EML1: variants seen among roughly 807,000 people sequenced by gnomAD.
EML1 encodes the protein echinoderm microtubule-associated protein-like 1.
Under a neutral mutation model 110.4 loss-of-function variants are expected in EML1, and 27 were observed. The ratio of observed to expected loss-of-function variants is 0.24; its 90% CI spans 0.18 to 0.34. The LOEUF is 0.34. Ranked by LOEUF, EML1 falls within the 10% of genes least tolerant of loss-of-function variation. The pLI is 1.00. For missense variants in EML1, 741 were observed against 1,030.9 expected, an observed-to-expected ratio of 0.72 and a Z score of 3.85; for synonymous variants, 344 against 385.8, an observed-to-expected ratio of 0.89 and a Z score of 1.27.
At chr14:99,924,689 G>A (rs1258845976) in intron 17 of EML1, among the ~76,000 whole-genome samples, 1 of 151,948 alleles carries the variant, frequency 6.6e-6, no homozygotes, top group African/African-American at 2.4e-5. Flanking sequence ...GTTTTTCTGA[G>A]GAGAAAAAGC....
chr14:99,868,949 C>CT (rs1187996859), intron 3 of EML1, among the ~76,000 whole-genome samples: 2 of 152,192 alleles, frequency 1.3e-5, no homozygotes, highest in East Asian at 3.9e-4. Context: ...TCACTATAGA[C>CT]TTCCCTCTTA....
chr14:99,936,051 C>T lies in EML1; in HGVS notation c.1932C>T (p.Gly644=), dbSNP rs1222078229. 2 of 1,613,948 alleles carry T rather than the reference C, an allele frequency of 1.2e-6. No individual in the cohort carries two copies. Among genetic ancestry groups the T allele is most frequent in the Admixed American group, 1.7e-5 (1 of 59,994 alleles). Residue 644 remains glycine (G), a synonymous_variant, in exon 18 of 22, where the codon GGC becomes GGT. Coordinates refer to ENST00000262233, the MANE Select transcript of EML1 (RefSeq NM_004434.3). This position sits in a 1 kb window ranked among gnomAD's most constrained non-coding sequence, Gnocchi z 5.5. ...TAGATGGGAATTTCTTAGCCATAGG[C>T]TCACATGACAACTGCATCTATATAT... ...YSPDGNFLAI[G]SHDNCIYIYG...
chr14:99,850,989 T>C lies in EML1; in HGVS notation c.204T>C (p.Ile68=), dbSNP rs748414278. 10 of 1,613,980 alleles carry C rather than the reference T, an allele frequency of 6.2e-6. No homozygotes were observed. The African/African-American group carries it at 1.2e-4, about 19-fold the overall frequency. Residue 68 remains isoleucine (I), a synonymous_variant, in exon 2 of 22, where the codon ATT becomes ATC. Coordinates refer to ENST00000262233, the MANE Select transcript of EML1 (RefSeq NM_004434.3). ...CTGATGTGGTTCGGCGGCTGAACATTACTGAGGAACAGCAGGCCGTGCTTA... is the reference window on the plus strand; with the variant it reads ...CTGATGTGGTTCGGCGGCTGAACATCACTGAGGAACAGCAGGCCGTGCTTA... The part of the protein sequence containing the change: ...ALADVVRRLN[I]TEEQQAVLNR...
At chr14:99,916,000 A>G (rs748816562) in intron 15 of EML1, among the ~76,000 whole-genome samples, 21 of 152,384 alleles carry the variant, frequency 1.4e-4, no homozygotes, top group Non-Finnish European at 2.5e-4. Flanking sequence ...ACTGCCACTC[A>G]GAGAGCAGGT....
chr14:99,759,803 G>A (rs976814395), intron 1 of EML1, among the ~76,000 whole-genome samples: 1 of 152,178 alleles, frequency 6.6e-6, no homozygotes, highest in Non-Finnish European at 1.5e-5. Flanking sequence ...AACGCTCTTT[G>A]CGTTCATGCA....
intron 16 of EML1, among the ~76,000 whole-genome samples, chr14:99,920,119 G>A (rs1449867795): frequency 6.6e-6 from 1 of 152,152 alleles, no homozygotes; most frequent in Non-Finnish European, 1.5e-5. Flanking sequence ...AGGATACAAA[G>A]CACTTCCATG....
intron 6 of EML1, among the ~76,000 whole-genome samples, chr14:99,896,936 A>G (rs2059680383): frequency 6.6e-6 from 1 of 152,222 alleles, no homozygotes; most frequent in African/African-American, 2.4e-5. Flanking sequence ...ATATGTATTC[A>G]CATTACATCA....
At chr14:99,886,311 G>A (rs2059474090) in intron 4 of EML1, among the ~76,000 whole-genome samples, 1 of 152,108 alleles carries the variant, frequency 6.6e-6, no homozygotes, top group African/African-American at 2.4e-5. Flanking sequence ...GCGGAACCCT[G>A]TCTCTACAAA....
At chr14:99,758,600 C>A (rs1045160312) in intron 1 of EML1, among the ~76,000 whole-genome samples, 2 of 152,152 alleles carry the variant, frequency 1.3e-5, no homozygotes, top group African/African-American at 2.4e-5. Context: ...CAGGCCTGCC[C>A]AGAGTCAGTC....
intron 16 of EML1, among the ~76,000 whole-genome samples, chr14:99,918,761 A>G (rs1303264544): frequency 6.6e-6 from 1 of 152,164 alleles, no homozygotes; most frequent in African/African-American, 2.4e-5. Flanking sequence ...GCTGCATCGC[A>G]CTATGATTGC....
chr14:99,839,465 G>A (rs1001802614), intron 1 of EML1, among the ~76,000 whole-genome samples: 2 of 152,190 alleles, frequency 1.3e-5, no homozygotes, highest in African/African-American at 4.8e-5. Context: ...TCATTGTACA[G>A]AATTAAACTG....
At position 99,905,429 on chromosome 14, in the gene EML1, GAA is replaced by G. The variant is rs2059829170; in HGVS notation, c.1009-2206_1009-2205del. On this transcript the variant is annotated intron_variant, in intron 9 of 21. Transcript: ENST00000262233. This position sits in a 1 kb window ranked among gnomAD's most constrained non-coding sequence, Gnocchi z 4.1. ...ATAAGAAAGGGAAAAAGGAGAGAGA[GAA>G]AAGCATTCCCTGTGGCAGGGCGGGG... Among the ~76,000 whole-genome samples the G allele has an allele frequency of 6.6e-6, 1 of 152,166 alleles. No individual in the cohort carries two copies. Among genetic ancestry groups the G allele is most frequent in the Admixed American group, 6.5e-5 (1 of 15,278 alleles).
intron 15 of EML1, chr14:99,915,001 C>A (rs2060009401): frequency 2.6e-6 from 1 of 390,270 alleles, no homozygotes; most frequent in Admixed American, 4.6e-5. Context: ...CTGAAAAATA[C>A]TTGTTATGAG....
At chr14:99,862,021 T>G (rs920851804) in intron 2 of EML1, among the ~76,000 whole-genome samples, 1 of 152,176 alleles carries the variant, frequency 6.6e-6, no homozygotes, top group Non-Finnish European at 1.5e-5. Flanking sequence ...GGTTCCAGGT[T>G]CCCATGCAGG....
intron 17 of EML1, among the ~76,000 whole-genome samples, chr14:99,925,443 G>A (rs546866755): frequency 6.6e-6 from 1 of 151,700 alleles, no homozygotes; most frequent in Admixed American, 6.6e-5. Context: ...TTAGAGACAG[G>A]GTATTCCTAT....
intron 17 of EML1, among the ~76,000 whole-genome samples, chr14:99,935,550 G>A (rs544022458): frequency 1.2e-4 from 18 of 152,128 alleles, no homozygotes; most frequent in African/African-American, 3.9e-4. Flanking sequence ...TTGGGAGGCC[G>A]AGGCGGGCGG....
chr14:99,907,544 CTT>C (rs1219841271), intron 9 of EML1, 92 bp from the exon 10 acceptor site: 13 of 1,106,582 alleles, frequency 1.2e-5, no homozygotes, highest in African/African-American at 1.6e-5. Flanking sequence ...GTAGCAGACT[CTT>C]TATTAAAAAT....
intron 1 of EML1, among the ~76,000 whole-genome samples, chr14:99,738,503 C>T (rs1032976071): frequency 5.9e-5 from 9 of 152,166 alleles, no homozygotes; most frequent in African/African-American, 2.2e-4. Flanking sequence ...CTGCCAGTTA[C>T]AGAGCCAGCC....
intron 2 of EML1, among the ~76,000 whole-genome samples, chr14:99,860,804 C>T (rs539560920): frequency 2.0e-5 from 3 of 152,190 alleles, no homozygotes; most frequent in East Asian, 1.9e-4. Flanking sequence ...TCCCCCTCCC[C>T]CTTCCCATCC....
Sources: gnomAD v4.1 joint callset for allele counts (sites outside exome capture counted in the v4.1 genomes callset) on GRCh38, gnomAD v4.1.1 for gene constraint, Gnocchi (gnomAD v3.1) non-coding constraint, MANE v1.5 for transcripts, NCBI Gene and HGNC (gene_info 2026-07-23, HGNC 2026-07-21) for gene names.